The following NEGR1 variants were observed in gnomAD, a reference collection of about 807,000 sequenced individuals.
NEGR1 encodes neuronal growth regulator 1.
A neutral mutation model predicts 40.9 loss-of-function variants in NEGR1; 10 were observed. The observed-to-expected ratio is 0.24, with a 90% CI of 0.15 to 0.42. NEGR1 has a LOEUF of 0.42. Ranked by LOEUF, NEGR1 falls within the 10% of genes least tolerant of loss-of-function variation. The probability of loss-of-function intolerance (pLI) is 1.00; values close to 1 mark genes in which losing one functional copy is unlikely to be tolerated. For missense variants in NEGR1, 352 were observed against 438.9 expected, an observed-to-expected ratio of 0.80 and a Z score of 1.77; for synonymous variants, 185 against 166.8, an observed-to-expected ratio of 1.11 and a Z score of -0.84.
chr1:71,785,830 TTA>T (rs1463290065), intron 2 of NEGR1, among the ~76,000 whole-genome samples: 8 of 152,106 alleles, frequency 5.3e-5, no homozygotes, highest in Non-Finnish European at 8.8e-5. Flanking sequence ...AGTCACAGAG[TTA>T]TAATGTAACA....
At chr1:71,910,193 C>A (rs1030962799) in intron 2 of NEGR1, among the ~76,000 whole-genome samples, 1 of 152,156 alleles carries the variant, frequency 6.6e-6, no homozygotes, top group Non-Finnish European at 1.5e-5. Context: ...AGAACACATG[C>A]TAGATGTTGG....
chr1:72,146,066 G>A (rs970034712), intron 1 of NEGR1, among the ~76,000 whole-genome samples: 3 of 152,070 alleles, frequency 2.0e-5, no homozygotes, highest in African/African-American at 7.2e-5. Context: ...GGCAGGGGGA[G>A]TGAGATGTCT....
intron 1 of NEGR1, among the ~76,000 whole-genome samples, chr1:72,139,167 T>C (rs1477137297): frequency 6.6e-6 from 1 of 151,448 alleles, no homozygotes. Context: ...AGGGAAATTT[T>C]ATAGCATTAA....
At chr1:71,957,621 A>C (rs2100288693) in intron 1 of NEGR1, among the ~76,000 whole-genome samples, 1 of 152,276 alleles carries the variant, frequency 6.6e-6, no homozygotes, top group African/African-American at 2.4e-5. Flanking sequence ...TGTGAGCAAA[A>C]TATTTCTGAA....
At chr1:71,745,506 G>A (rs934530491) in intron 3 of NEGR1, among the ~76,000 whole-genome samples, 1 of 152,014 alleles carries the variant, frequency 6.6e-6, no homozygotes, top group Non-Finnish European at 1.5e-5. Context: ...ATCACTGCCT[G>A]AGTGAGACAC....
chr1:72,195,664 T>C (rs1652975210), intron 1 of NEGR1, among the ~76,000 whole-genome samples: 1 of 151,904 alleles, frequency 6.6e-6, no homozygotes, highest in Non-Finnish European at 1.5e-5. Context: ...TTTTTTGGCT[T>C]AACAGCCATA....
intron 1 of NEGR1, among the ~76,000 whole-genome samples, chr1:71,943,045 T>C (rs1390316579): frequency 3.0e-5 from 4 of 135,396 alleles, no homozygotes; most frequent in Non-Finnish European, 6.5e-5. Context: ...TACATATATA[T>C]GTGTATATAT....
intron 1 of NEGR1, among the ~76,000 whole-genome samples, chr1:72,042,580 C>T (rs11805831): frequency 0.019 from 2,820 of 152,080 alleles, 81 homozygotes; most frequent in African/African-American, 0.065. Context: ...CTCCCTTCAA[C>T]CTACCCTCTT....
chr1:71,942,469 A>ATC (rs1645969889), intron 1 of NEGR1, among the ~76,000 whole-genome samples: 1 of 10,616 alleles, frequency 9.4e-5, no homozygotes, highest in Admixed American at 1.2e-3. Flanking sequence ...ATATATATAT[A>ATC]TATATATATA....
chr1:72,252,745 A>T (rs1440745948), intron 1 of NEGR1, among the ~76,000 whole-genome samples: 1 of 152,168 alleles, frequency 6.6e-6, no homozygotes, highest in African/African-American at 2.4e-5. Flanking sequence ...CAAATTCATT[A>T]GGACCCATGT....
At chr1:71,563,382 A>C (rs548510253) in intron 6 of NEGR1, among the ~76,000 whole-genome samples, 23 of 152,136 alleles carry the variant, frequency 1.5e-4, no homozygotes, top group African/African-American at 5.3e-4. Flanking sequence ...CCTGGACTCC[A>C]TGAGCTAGAT....
intron 4 of NEGR1, among the ~76,000 whole-genome samples, chr1:71,656,874 A>G (rs60727963): frequency 0.036 from 5,539 of 152,230 alleles, 126 homozygotes; most frequent in African/African-American, 0.071. Context: ...GGATATTTTG[A>G]TTTCGTTTTT....
intron 3 of NEGR1, among the ~76,000 whole-genome samples, chr1:71,756,723 T>A (rs1174071117): frequency 2.0e-5 from 3 of 152,044 alleles, no homozygotes; most frequent in Admixed American, 6.6e-5. Context: ...ATTACACTAA[T>A]ACATCGTCAG....
chr1:72,057,581 C>T (rs114854452), intron 1 of NEGR1, among the ~76,000 whole-genome samples: 3 of 151,494 alleles, frequency 2.0e-5, no homozygotes, highest in Non-Finnish European at 3.0e-5. Context: ...AGACATCTTT[C>T]TCAGTTCTAC....
intron 6 of NEGR1, among the ~76,000 whole-genome samples, chr1:71,479,140 T>C (rs1261308904): frequency 6.6e-6 from 1 of 152,030 alleles, no homozygotes; most frequent in African/African-American, 2.4e-5. Context: ...ACTTTACCAT[T>C]ACAGAAATAG....
chr1:71,544,724 G>T (rs1570010591), intron 6 of NEGR1, among the ~76,000 whole-genome samples: 1 of 151,640 alleles, frequency 6.6e-6, no homozygotes, highest in Non-Finnish European at 1.5e-5. Flanking sequence ...GTGAGACAGG[G>T]GAGAGGCAGT....
intron 1 of NEGR1, among the ~76,000 whole-genome samples, chr1:72,140,246 T>TTGTTGC (rs899679039): frequency 3.3e-5 from 5 of 151,872 alleles, no homozygotes; most frequent in Non-Finnish European, 5.9e-5. Context: ...GTTGTTGTTG[T>TTGTTGC]TGTTGTTACA....
chr1:72,126,956 C>A (rs1650044866), intron 1 of NEGR1, among the ~76,000 whole-genome samples: 1 of 152,178 alleles, frequency 6.6e-6, no homozygotes, highest in African/African-American at 2.4e-5. Context: ...TACTGGTCTG[C>A]ACACAAATCC....
At chr1:71,437,614 AT>A (rs1646518326) in intron 6 of NEGR1, among the ~76,000 whole-genome samples, 1 of 152,196 alleles carries the variant, frequency 6.6e-6, no homozygotes, top group South Asian at 2.1e-4. Flanking sequence ...TCTACTTTGC[AT>A]TTAGAAATGT....
Sources: gnomAD v4.1 joint callset for allele counts (sites outside exome capture counted in the v4.1 genomes callset) on GRCh38, gnomAD v4.1.1 for gene constraint, MANE v1.5 for transcripts, NCBI Gene and HGNC (gene_info 2026-07-23, HGNC 2026-07-21) for gene names.